Variants in LIMCH1 observed in about 807,000 individuals in gnomAD.
LIMCH1 encodes the protein LIM and calponin homology domains 1.
In LIMCH1, 113 loss-of-function variants were observed where a neutral mutation model predicts 176.5. The observed-to-expected ratio is 0.64, with a 90% CI of 0.55 to 0.75. The LOEUF is 0.75. Ranked by LOEUF, LIMCH1 falls within the 30% of genes least tolerant of loss-of-function variation. The probability of loss-of-function intolerance (pLI) is 0.00; values close to 1 mark genes in which losing one functional copy is unlikely to be tolerated. For missense variants in LIMCH1, 1,674 were observed against 1,814.9 expected, an observed-to-expected ratio of 0.92 and a Z score of 1.41; for synonymous variants, 619 against 645.9, an observed-to-expected ratio of 0.96 and a Z score of 0.63.
At chr4:41,383,370 A>G (rs1391271903) in intron 1 of LIMCH1, among the ~76,000 whole-genome samples, 1 of 152,172 alleles carries the variant, frequency 6.6e-6, no homozygotes, top group Admixed American at 6.6e-5. Flanking sequence ...AACATATAGG[A>G]CAGACAGCCT....
chr4:41,617,807 AC>A (rs1345542787), intron 5 of LIMCH1, among the ~76,000 whole-genome samples: 2 of 152,186 alleles, frequency 1.3e-5, no homozygotes, highest in African/African-American at 4.8e-5. Flanking sequence ...GTTAGAGACA[AC>A]CCTAGGAGCC....
chr4:41,546,161 T>C (rs570560314), intron 1 of LIMCH1, among the ~76,000 whole-genome samples: 1 of 152,192 alleles, frequency 6.6e-6, no homozygotes, highest in African/African-American at 2.4e-5. Context: ...TTTTTTGAGA[T>C]GGAGTCTCAC....
intron 22 of LIMCH1, among the ~76,000 whole-genome samples, chr4:41,673,163 A>G (rs537144910): frequency 2.6e-5 from 4 of 152,298 alleles, no homozygotes; most frequent in Non-Finnish European, 5.9e-5. Context: ...GCCACAGTAC[A>G]AAACTAGGGA....
At chr4:41,692,840 G>A (rs1288628643) in intron 31 of LIMCH1, 1 of 154,706 alleles carries the variant, frequency 6.5e-6, no homozygotes, top group African/African-American at 2.4e-5. Context: ...CGTCATATGT[G>A]TTCCCAACTG....
At chr4:41,530,632 C>A (rs2077155237) in intron 3 of LIMCH1, among the ~76,000 whole-genome samples, 1 of 151,484 alleles carries the variant, frequency 6.6e-6, no homozygotes, top group Non-Finnish European at 1.5e-5. Flanking sequence ...CATGGTGAAA[C>A]CCTGTCTCTA....
chr4:41,616,544 A>G (rs1194637364), intron 5 of LIMCH1, among the ~76,000 whole-genome samples: 1 of 151,940 alleles, frequency 6.6e-6, no homozygotes, highest in Non-Finnish European at 1.5e-5. Context: ...AATAATAATA[A>G]TAATAATAAA....
chr4:41,396,897 C>CAA (rs200239406), intron 1 of LIMCH1, among the ~76,000 whole-genome samples: 4 of 142,526 alleles, frequency 2.8e-5, no homozygotes, highest in African/African-American at 1.1e-4. Flanking sequence ...AAGACTGTCT[C>CAA]AAAAAAAAAA....
At chr4:41,525,240 ACGCG>A (rs201657419) in intron 3 of LIMCH1, among the ~76,000 whole-genome samples, 2 of 152,200 alleles carry the variant, frequency 1.3e-5, no homozygotes, top group African/African-American at 4.8e-5. Flanking sequence ...GTGCGTGCAC[ACGCG>A]CGCGCACACA....
chr4:41,364,645 T>A (rs1470070885), intron 1 of LIMCH1, among the ~76,000 whole-genome samples: 1 of 152,210 alleles, frequency 6.6e-6, no homozygotes, highest in Non-Finnish European at 1.5e-5. Context: ...AGAAAATTAT[T>A]CTTCAATATT....
At chr4:41,693,206 C>G (rs1019596521) in intron 31 of LIMCH1, 5 of 152,158 alleles carry the variant, frequency 3.3e-5, no homozygotes, top group African/African-American at 1.2e-4. Context: ...CAGTCAGAAA[C>G]TCTTTTAAAA....
In LIMCH1 at chr4:41,506,409, T is replaced by C. The variant is rs569407267; in HGVS notation, c.167+11803T>C. On this transcript the variant is annotated intron_variant, in intron 2 of 26. Coordinates refer to the LIMCH1 transcript ENST00000313860. ...GGTGTAACTTTGTGTGGAGACATTT[T>C]ATCACATGGAGGAATTGTTGGCTAT... Among the ~76,000 whole-genome samples the C allele has an allele frequency of 1.2e-4, 18 of 152,320 alleles. No homozygotes were observed. In the South Asian group the frequency reaches 3.7e-3, roughly 32 times the overall value.
chr4:41,424,112 C>A (rs904415333), intron 1 of LIMCH1, among the ~76,000 whole-genome samples: 1 of 151,968 alleles, frequency 6.6e-6, no homozygotes, highest in Non-Finnish European at 1.5e-5. Context: ...TTTTACCATG[C>A]GTACTAGCCT....
At chr4:41,679,045 T>C (rs531925903) in intron 23 of LIMCH1, among the ~76,000 whole-genome samples, 11 of 152,290 alleles carry the variant, frequency 7.2e-5, no homozygotes, top group Middle Eastern at 3.4e-3. Context: ...GCCAAGAAAG[T>C]CCTCCTGCTC....
At chr4:41,371,239 A>G (rs1202616613) in intron 1 of LIMCH1, among the ~76,000 whole-genome samples, 2 of 152,138 alleles carry the variant, frequency 1.3e-5, no homozygotes, top group East Asian at 1.9e-4. Flanking sequence ...AGCATCTTCT[A>G]TATACATAGC....
At chr4:41,510,795 G>A (rs2074809321) in intron 2 of LIMCH1, among the ~76,000 whole-genome samples, 1 of 152,074 alleles carries the variant, frequency 6.6e-6, no homozygotes, top group Non-Finnish European at 1.5e-5. Context: ...CGCCATGTTG[G>A]GCAGGCTGGT....
intron 1 of LIMCH1, among the ~76,000 whole-genome samples, chr4:41,559,014 T>A (rs535094348): frequency 6.6e-6 from 1 of 152,280 alleles, no homozygotes; most frequent in Admixed American, 6.5e-5. Context: ...TTTTGTATTA[T>A]CCAAAAGAGC....
At chr4:41,581,805 C>CAAAAAAAAAAAAAAAAAAAA (rs56150312) in intron 1 of LIMCH1, among the ~76,000 whole-genome samples, 13 of 76,182 alleles carry the variant, frequency 1.7e-4, no homozygotes, top group Admixed American at 3.5e-4. Context: ...GACTCTGTCT[C>CAAAAAAAAAAAAAAAAAAAA]AAAAAAAAAA....
At chr4:41,504,818 G>A (rs1237445958) in intron 2 of LIMCH1, among the ~76,000 whole-genome samples, 1 of 152,116 alleles carries the variant, frequency 6.6e-6, no homozygotes, top group Non-Finnish European at 1.5e-5. Context: ...AGAGTATAGT[G>A]GAAAGTGAAT....
chr4:41,618,479 C>A (rs1453878340), intron 5 of LIMCH1, among the ~76,000 whole-genome samples: 1 of 152,120 alleles, frequency 6.6e-6, no homozygotes, highest in East Asian at 1.9e-4. Flanking sequence ...ACTATAAAAA[C>A]TATAAAGCCC....
Sources: gnomAD v4.1 joint callset for allele counts (sites outside exome capture counted in the v4.1 genomes callset) on GRCh38, gnomAD v4.1.1 for gene constraint, MANE v1.5 for transcripts, NCBI Gene and HGNC (gene_info 2026-07-23, HGNC 2026-07-21) for gene names.